The following RBM42 variants were observed in gnomAD, a reference collection of about 807,000 sequenced individuals.
RBM42 encodes the protein RNA-binding protein 42.
Under a neutral mutation model 41.4 loss-of-function variants are expected in RBM42, and 21 were observed. The ratio of observed to expected loss-of-function variants is 0.51; its 90% confidence interval spans 0.36 to 0.73. The LOEUF is 0.73. RBM42 is among the 30% of genes least tolerant of loss of function. RBM42 has a pLI of 0.00. For synonymous variants in RBM42, 272 were observed against 271.2 expected (o/e 1.00, Z -0.03); for missense variants, 539 against 680.4 (o/e 0.79, Z 2.31).
chr19:35,637,272 G>A lies in RBM42; in HGVS notation c.1250G>A (p.Arg417His), dbSNP rs952211393. 1.9e-6 allele frequency: 3 copies of A among 1,614,192 alleles called. No individual in the cohort carries two copies. Among genetic ancestry groups the A allele is most frequent in the Non-Finnish European group, 8.5e-7 (1 of 1,180,036 alleles). ...FLKAKVIRDK[R>H]TGKTKGYGFV... ...AAGGCCAAGGTGATCCGTGACAAGC[G>A]CACAGGCAAGACCAAGGGCTACGGC... Residue 417 changes from arginine to histidine, a missense_variant, in exon 9 of 10, where the codon CGC becomes CAC. By Grantham distance (29) the Arg-to-His change is conservative (BLOSUM62 0). Transcript: ENST00000262633. The surrounding 1 kb of genome is among the most constrained non-coding windows in gnomAD (Gnocchi z 7.0).
intron 6 of RBM42, 134 bp from the exon 7 acceptor site, chr19:35,633,553 C>A: frequency 1.2e-6 from 1 of 803,944 alleles, no homozygotes; most frequent in Non-Finnish European, 1.8e-6. Flanking sequence ...GTTTGTCTGG[C>A]TGGAGACTCT....
chr19:35,633,666 A>G, intron 6 of RBM42, 21 bp from the exon 7 acceptor site: 3 of 1,416,132 alleles, frequency 2.1e-6, no homozygotes, highest in Non-Finnish European at 2.8e-6. Context: ...GGCCCCCCTC[A>G]TGCTCTCCTC....
At chr19:35,635,932 G>A (rs776637582) in intron 8 of RBM42, among the ~76,000 whole-genome samples, 8 of 152,242 alleles carry the variant, frequency 5.3e-5, no homozygotes, top group South Asian at 4.2e-4. Context: ...GAGTTTGTCC[G>A]GTTGTTTGCT....
At chr19:35,633,353 TTC>T (rs373203957) in intron 6 of RBM42, 101 bp downstream of exon 6, 437 of 951,308 alleles carry the variant, frequency 4.6e-4, no homozygotes, top group African/African-American at 4.5e-3. Flanking sequence ...TCTCCTGACT[TTC>T]TGTTTCTCTA....
At chr19:35,634,070 G>A (rs746382229) in intron 7 of RBM42, 51 bp downstream of exon 7, 1 of 1,470,926 alleles carries the variant, frequency 6.8e-7, no homozygotes. Flanking sequence ...GGGGCAGACA[G>A]GAGCCCAGGA....
chr19:35,635,760 T>A (rs987069280), intron 8 of RBM42, among the ~76,000 whole-genome samples: 10 of 152,156 alleles, frequency 6.6e-5, no homozygotes, highest in Non-Finnish European at 4.4e-5. Context: ...GACCTTGTGA[T>A]CCGCCTGCCT....
At chr19:35,634,861 C>A (rs1042418299) in intron 8 of RBM42, among the ~76,000 whole-genome samples, 3 of 151,762 alleles carry the variant, frequency 2.0e-5, no homozygotes, top group African/African-American at 7.3e-5. Flanking sequence ...AGTAAACACC[C>A]GTCTACCCAC....
chr19:35,629,057 C>A lies in RBM42; in HGVS notation c.-97C>A. ...CGTCGCTTTTGCTGGACGTCATCCT[C>A]GGGAGCCCACCCGGACGAAGGGGGA... On this transcript the variant is annotated 5_prime_UTR_variant, in exon 1 of 10. Transcript: ENST00000262633. 1.4e-6 allele frequency: 2 copies of A among 1,437,444 alleles called. No homozygotes were observed. Among genetic ancestry groups the A allele is most frequent in the Non-Finnish European group, 1.8e-6 (2 of 1,096,526 alleles). The allele number at this position is 1,437,444 out of a possible 1,614,324, so 89.0% of individuals were successfully genotyped here. A position where few individuals can be genotyped will look rare whatever the true frequency, so the allele number is the denominator to read the frequency against.
Position 35,633,153 on chromosome 19 carries a change from C to T in RBM42, c.585C>T (p.Pro195=). The T allele has an allele frequency of 6.4e-7, 1 of 1,569,692 alleles. No homozygotes were observed. The change falls in exon 6 of 10, where the codon CCC becomes CCT. Residue 195 remains proline, a synonymous_variant. Transcript: ENST00000262633. ...CCCCTCACCAGGCCCTCGTGGGCCC[C>T]CCTCTGCCTGGGCCCCCTGGACCAC... ...LRPPHQALVG[P]PLPGPPGPPM...
At chr19:35,636,412 A>T (rs1037523430) in intron 8 of RBM42, among the ~76,000 whole-genome samples, 2 of 152,158 alleles carry the variant, frequency 1.3e-5, no homozygotes, top group Non-Finnish European at 2.9e-5. Context: ...CACCTGCCTC[A>T]GCCTCCCAAA....
intron 8 of RBM42, among the ~76,000 whole-genome samples, chr19:35,635,815 C>T (rs1967487029): frequency 6.6e-6 from 1 of 152,150 alleles, no homozygotes; most frequent in African/African-American, 2.4e-5. Flanking sequence ...CCACCACGCC[C>T]AGCCTCGATT....
At position 35,634,360 on chromosome 19, in the gene RBM42, G is replaced by T. The variant is rs200463246; in HGVS notation, c.1122G>T (p.Leu374=). 1.9e-6 allele frequency: 3 copies of T among 1,613,456 alleles called. No individual in the cohort carries two copies. In the Admixed American group the frequency reaches 5.0e-5, roughly 27 times the overall value. The change falls in exon 8 of 10, where the codon CTG becomes CTT. Residue 374 remains leucine, a synonymous_variant. Coordinates refer to ENST00000262633, the MANE Select transcript of RBM42 (RefSeq NM_024321.5). The part of the protein sequence containing the change: ...AGSSWEDPSL[L]EWDADDFRIF... ...GCAGCTGGGAGGACCCCAGCCTGCT[G>T]GAGTGGGATGCAGGTAAGCTGCTGA...
chr19:35,631,264 G>C lies in RBM42; in HGVS notation c.367+40G>C, dbSNP rs200541123. The C allele has an allele frequency of 3.1e-6, 5 of 1,612,624 alleles. No individual in the cohort carries two copies. In the Admixed American group the frequency reaches 6.7e-5, roughly 21 times the overall value. On this transcript the variant is annotated intron_variant, in intron 3 of 9. Coordinates refer to ENST00000262633, the MANE Select transcript of RBM42 (RefSeq NM_024321.5). ...GCAAGGTGAGGGGGTTGGGCAATCA[G>C]GCAGGGTGGTAAAAAGGTGTGCACA...
intron 8 of RBM42, among the ~76,000 whole-genome samples, chr19:35,635,523 C>CT (rs11375946): frequency 0.39 from 55,141 of 140,110 alleles, 13,950 homozygotes; most frequent in African/African-American, 0.7. Context: ...TTTTTTTTTT[C>CT]TTTTTTTTTT....
chr19:35,633,639 G>A (rs1599607033), intron 6 of RBM42, 48 bp from the exon 7 acceptor site: 1 of 1,384,082 alleles, frequency 7.2e-7, no homozygotes, highest in Non-Finnish European at 9.4e-7. Flanking sequence ...TGACAGTAAA[G>A]TCTGAGCCTG....
chr19:35,634,015 T>C lies in RBM42; in HGVS notation c.1013T>C (p.Leu338Pro). The part of the protein sequence containing the change: ...RPEPPPGLMA[L>P]EVPEPLGEDK... ...GAGCCACCCCCAGGCCTCATGGCTC[T>C]TGAGGTAAGCAGGGAGCCTAGCGGT... is the stretch of plus-strand genomic sequence containing the variant. Residue 338 changes from leucine to proline, a missense_variant, in exon 7 of 10, where the codon CTT becomes CCT. Around this residue, in one of 2 missense-constraint regions of RBM42, gnomAD observed 429 missense variants for 488.9 expected, o/e 0.88. Coordinates refer to ENST00000262633, the MANE Select transcript of RBM42 (RefSeq NM_024321.5). 1 of 1,504,426 alleles carries C rather than the reference T, an allele frequency of 6.6e-7. No homozygotes were observed. Among genetic ancestry groups the C allele is most frequent in the Non-Finnish European group, 8.8e-7 (1 of 1,132,272 alleles). The allele number at this position is 1,504,426 out of a possible 1,614,324, so 93.2% of individuals were successfully genotyped here.
At chr19:35,632,615 G>A (rs911362132) in intron 4 of RBM42, among the ~76,000 whole-genome samples, 8 of 151,894 alleles carry the variant, frequency 5.3e-5, no homozygotes, top group Admixed American at 2.0e-4. Context: ...TGCTTCCAGC[G>A]CTGGTCCCCA....
chr19:35,633,345 T>C (rs1454644570), intron 6 of RBM42, 93 bp downstream of exon 6: 4 of 1,005,986 alleles, frequency 4.0e-6, no homozygotes, highest in Non-Finnish European at 5.8e-6. Context: ...TTGGCCTCTC[T>C]CCTGACTTTC....
chr19:35,629,446 T>C, intron 1 of RBM42, 74 bp from the exon 2 acceptor site: 2 of 1,580,748 alleles, frequency 1.3e-6, no homozygotes, highest in Non-Finnish European at 1.7e-6. Context: ...GGGGTGAGGG[T>C]CCCCTCGCGA....
Sources: allele counts gnomAD v4.1 joint callset (sites outside exome capture counted in the v4.1 genomes callset), GRCh38; gene constraint gnomAD v4.1.1; regional missense constraint gnomAD v4.1.1; non-coding constraint Gnocchi (gnomAD v3.1); transcripts MANE v1.5; gene names NCBI Gene and HGNC (gene_info 2026-07-23, HGNC 2026-07-21).